The following ACTN2 variants were observed in gnomAD, a reference collection of about 807,000 sequenced individuals.
ACTN2 encodes alpha-actinin-2.
ACTN2 carries 39 observed loss-of-function variants against 113.8 expected under a neutral mutation model. That is an observed-to-expected ratio of 0.34 (90% CI 0.27 to 0.45). The LOEUF is 0.45. ACTN2 is among the 20% of genes least tolerant of loss of function. ACTN2 has a pLI of 1.00. For synonymous variants in ACTN2, 429 were observed against 444.1 expected, an observed-to-expected ratio of 0.97 and a Z score of 0.43; for missense variants, 992 against 1,177.9, an observed-to-expected ratio of 0.84 and a Z score of 2.31.
At chr1:236,688,078 G>A (rs1330419117) in intron 1 of ACTN2, among the ~76,000 whole-genome samples, 1 of 152,146 alleles carries the variant, frequency 6.6e-6, no homozygotes, top group Non-Finnish European at 1.5e-5. Flanking sequence ...AGGACTGATT[G>A]TGAAGGAAGT....
chr1:236,758,434 T>A (rs2102948298), intron 18 of ACTN2, among the ~76,000 whole-genome samples: 1 of 150,464 alleles, frequency 6.6e-6, no homozygotes, highest in East Asian at 2.0e-4. Flanking sequence ...TATAGGCACC[T>A]GCCACCATGC....
chr1:236,687,225 C>A (rs1665906654), intron 1 of ACTN2, among the ~76,000 whole-genome samples: 1 of 152,180 alleles, frequency 6.6e-6, no homozygotes, highest in South Asian at 2.1e-4. Flanking sequence ...GCAATTTCCA[C>A]CGGGCTGCCC....
chr1:236,691,377 T>C (rs2102857466), intron 1 of ACTN2, among the ~76,000 whole-genome samples: 1 of 151,976 alleles, frequency 6.6e-6, no homozygotes, highest in Admixed American at 6.5e-5. Flanking sequence ...GTGCAGTGGC[T>C]CATGCCTGTA....
At chr1:236,728,938 T>A (rs2994382) in intron 6 of ACTN2, among the ~76,000 whole-genome samples, 137,538 of 151,956 alleles carry the variant, frequency 0.91, 62,344 homozygotes, top group East Asian at 0.98. Context: ...TGGAAAAAGA[T>A]ATCAATGTCC....
intron 10 of ACTN2, 109 bp downstream of exon 10, chr1:236,739,641 TTGTG>T: frequency 1.5e-6 from 2 of 1,306,300 alleles, no homozygotes; most frequent in Non-Finnish European, 2.2e-6. Context: ...ATCTTTTTAG[TTGTG>T]TGAATATCAT....
At chr1:236,700,703 G>A (rs1282139976) in intron 1 of ACTN2, among the ~76,000 whole-genome samples, 2 of 152,128 alleles carry the variant, frequency 1.3e-5, no homozygotes, top group Non-Finnish European at 2.9e-5. Context: ...TTCTGCTTCT[G>A]TATTTCCTCC....
chr1:236,753,577 C>T (rs1267537924), intron 15 of ACTN2, among the ~76,000 whole-genome samples: 1 of 152,214 alleles, frequency 6.6e-6, no homozygotes, highest in Admixed American at 6.5e-5. Context: ...TCCCTGCATC[C>T]AAGTTCACAA....
chr1:236,704,226 C>T (rs897494259), intron 1 of ACTN2, among the ~76,000 whole-genome samples: 13 of 152,194 alleles, frequency 8.5e-5, no homozygotes, highest in African/African-American at 3.1e-4. Context: ...GTATTAATCA[C>T]TCTCTGTCTT....
chr1:236,698,982 G>C (rs1317401915), intron 1 of ACTN2, among the ~76,000 whole-genome samples: 1 of 152,176 alleles, frequency 6.6e-6, no homozygotes, highest in African/African-American at 2.4e-5. Flanking sequence ...AATGCACACA[G>C]AATTTTGTCT....
chr1:236,735,485 G>A, intron 7 of ACTN2, 150 bp from the exon 8 acceptor site: 2 of 731,340 alleles, frequency 2.7e-6, no homozygotes, highest in Non-Finnish European at 4.9e-6. Context: ...GCCTTCCTGA[G>A]GTTCGGGACC....
chr1:236,691,875 G>C (rs1239033335), intron 1 of ACTN2, among the ~76,000 whole-genome samples: 1 of 152,214 alleles, frequency 6.6e-6, no homozygotes, highest in Non-Finnish European at 1.5e-5. Flanking sequence ...ACGTGTGATA[G>C]GGAGATAATA....
chr1:236,689,262 C>G (rs1301026541), intron 1 of ACTN2, among the ~76,000 whole-genome samples: 2 of 146,730 alleles, frequency 1.4e-5, no homozygotes, highest in Non-Finnish European at 3.0e-5. Context: ...TCATACAACT[C>G]AAGGGTAGAA....
At chr1:236,721,275 C>A (rs1658388531) in intron 4 of ACTN2, among the ~76,000 whole-genome samples, 1 of 151,870 alleles carries the variant, frequency 6.6e-6, no homozygotes, top group Non-Finnish European at 1.5e-5. Flanking sequence ...ATCCGCCCGC[C>A]TCAGCCTCCC....
At chr1:236,692,281 A>G (rs539158865) in intron 1 of ACTN2, among the ~76,000 whole-genome samples, 1 of 152,366 alleles carries the variant, frequency 6.6e-6, no homozygotes, top group South Asian at 2.1e-4. Flanking sequence ...TTAAGTAGAT[A>G]TGATCCTCCC....
At chr1:236,689,047 C>T (rs1277784724) in intron 1 of ACTN2, among the ~76,000 whole-genome samples, 5 of 151,992 alleles carry the variant, frequency 3.3e-5, no homozygotes, top group Non-Finnish European at 4.4e-5. Context: ...GAAGGAAAGC[C>T]TTGCTGTAGA....
At chr1:236,719,406 A>G (rs1658317656) in intron 3 of ACTN2, among the ~76,000 whole-genome samples, 1 of 152,228 alleles carries the variant, frequency 6.6e-6, no homozygotes, top group African/African-American at 2.4e-5. Context: ...CTCTGTATGC[A>G]CAACTGAGTC....
At chr1:236,720,737 T>C (rs965454491) in intron 4 of ACTN2, among the ~76,000 whole-genome samples, 2 of 152,168 alleles carry the variant, frequency 1.3e-5, no homozygotes, top group East Asian at 3.8e-4. Context: ...ATAAAAATCT[T>C]TAGTCTTTTA....
At position 236,762,687 on chromosome 1, in the gene ACTN2, G is replaced by A. The variant is rs1192757257; in HGVS notation, c.*68G>A. 1 of 1,564,432 alleles carries A rather than the reference G, an allele frequency of 6.4e-7. No individual in the cohort carries two copies. Among genetic ancestry groups the A allele is most frequent in the Non-Finnish European group, 8.7e-7 (1 of 1,151,408 alleles). On this transcript the variant is annotated 3_prime_UTR_variant, in exon 21 of 21. Coordinates refer to ENST00000366578, the MANE Select transcript of ACTN2 (RefSeq NM_001103.4). The stretch of plus-strand genomic sequence containing the variant: ...AAGCGGAAGTCACAGTTTGTTTCCT[G>A]GAAACTTTGACAAGCTTTATTAAGT...
chr1:236,757,721 A>T, intron 18 of ACTN2, 89 bp downstream of exon 18: 2 of 1,529,338 alleles, frequency 1.3e-6, no homozygotes, highest in Non-Finnish European at 1.8e-6. Context: ...TTAAGTCTTA[A>T]GGCTCCACAA....
Sources: allele counts gnomAD v4.1 joint callset (sites outside exome capture counted in the v4.1 genomes callset), GRCh38; gene constraint gnomAD v4.1.1; transcripts MANE v1.5; gene names NCBI Gene and HGNC (gene_info 2026-07-23, HGNC 2026-07-21).